The following IL4I1 variants were observed in gnomAD, a reference collection of about 807,000 sequenced individuals.
IL4I1 encodes the protein L-amino-acid oxidase.
A neutral mutation model predicts 29.7 loss-of-function variants in IL4I1; 24 were observed. The ratio of observed to expected loss-of-function variants is 0.81; its 90% confidence interval spans 0.59 to 1.14. The LOEUF is 1.14. IL4I1 is among the 50% of genes most tolerant of loss of function. The pLI is 0.00. For missense variants in IL4I1, 686 were observed against 785.6 expected (o/e 0.87, Z 1.52); for synonymous variants, 371 against 352.5 (o/e 1.05, Z -0.59).
intron 5 of IL4I1, among the ~76,000 whole-genome samples, chr19:49,892,287 G>C (rs948928304): frequency 8.6e-5 from 13 of 151,906 alleles, no homozygotes; most frequent in African/African-American, 3.1e-4. Context: ...TCATCATGTT[G>C]GTCAGGCTGG....
In IL4I1 at chr19:49,891,485, G is replaced by C; in HGVS notation, c.568-12C>G. 1 of 1,613,802 alleles carries C rather than the reference G, an allele frequency of 6.2e-7. No homozygotes were observed. ...AGGTCTTTGAGGGCCTGTTGTGGAAGAAGCAGACATGGTGCTGAGCTGCCC... is the reference window on the plus strand; with the variant it reads ...AGGTCTTTGAGGGCCTGTTGTGGAACAAGCAGACATGGTGCTGAGCTGCCC... On this transcript the variant is annotated splice_polypyrimidine_tract_variant and intron_variant, in intron 5 of 7. Coordinates refer to ENST00000391826, the MANE Select transcript of IL4I1 (RefSeq NM_152899.2).
intron 7 of IL4I1, 23 bp downstream of exon 7, chr19:49,890,948 T>A: frequency 9.5e-5 from 16 of 169,154 alleles, no homozygotes; most frequent in Non-Finnish European, 1.3e-4. Context: ...CCCCCCCCCC[T>A]GCCCGCCAGC....
At position 49,890,493 on chromosome 19, in the gene IL4I1, G is replaced by A. The variant is rs1171904223; in HGVS notation, c.881C>T (p.Pro294Leu). 3 of 1,611,350 alleles carry A rather than the reference G, an allele frequency of 1.9e-6. No homozygotes were observed. The highest frequency in any genetic ancestry group is 1.7e-5 in the Admixed American group (1 of 59,988). The change falls in exon 8 of 8, where the codon CCG becomes CTG. Residue 294 changes from proline (P) to leucine (L), a missense_variant. By Grantham distance (98) the Pro-to-Leu change is moderately conservative. Coordinates refer to ENST00000391826, the MANE Select transcript of IL4I1 (RefSeq NM_152899.2). ...CTCGATCTGCACGTGCACATCGTGC[G>A]GTCCCTGGGTCATCGCCACCACGGG... The part of the protein sequence containing the change: ...NAPVVAMTQG[P>L]HDVHVQIETS...
At chr19:49,919,040 C>A (rs2075699167) in intron 2 of IL4I1, among the ~76,000 whole-genome samples, 1 of 152,038 alleles carries the variant, frequency 6.6e-6, no homozygotes, top group Non-Finnish European at 1.5e-5. Context: ...GTAATCCCAG[C>A]TACTCGGGAG....
chr19:49,899,148 C>T (rs557753121), upstream of IL4I1, among the ~76,000 whole-genome samples: 61 of 152,360 alleles, frequency 4.0e-4, no homozygotes, highest in African/African-American at 1.1e-3. Context: ...CCCCAGGTCC[C>T]CGGCCCCTGC....
At chr19:49,892,348 C>T (rs1347620642) in intron 5 of IL4I1, among the ~76,000 whole-genome samples, 6 of 152,282 alleles carry the variant, frequency 3.9e-5, no homozygotes, top group African/African-American at 7.2e-5. Context: ...TCCCAAAGTG[C>T]TGGGATTACA....
chr19:49,908,192 C>T, intron 2 of IL4I1: 29 of 1,603,642 alleles, frequency 1.8e-5, no homozygotes, highest in Non-Finnish European at 2.3e-5. Context: ...GGGCGCATTC[C>T]CCTCATGAAC....
At chr19:49,912,166 C>CT (rs60350799) in intron 2 of IL4I1, among the ~76,000 whole-genome samples, 38,224 of 115,610 alleles carry the variant, frequency 0.33, 7,076 homozygotes, top group Middle Eastern at 0.39. Context: ...AACAGTTCAC[C>CT]TTTTTTTTTT....
At chr19:49,907,500 C>T (rs1027356302) in intron 2 of IL4I1, 11 of 440,640 alleles carry the variant, frequency 2.5e-5, no homozygotes, top group Non-Finnish European at 4.5e-5. Flanking sequence ...AGCACAAGCT[C>T]ACACTCGAAA....
intron 2 of IL4I1, among the ~76,000 whole-genome samples, chr19:49,914,575 C>T (rs1037895197): frequency 2.6e-5 from 4 of 152,064 alleles, no homozygotes; most frequent in Non-Finnish European, 5.9e-5. Flanking sequence ...GAGGAAGACC[C>T]GCTTGGGATT....
intron 2 of IL4I1, chr19:49,907,708 G>A: frequency 2.9e-6 from 1 of 344,396 alleles, no homozygotes; most frequent in Non-Finnish European, 5.6e-6. Context: ...ACTAATTTTT[G>A]TATTTTTAGT....
intron 2 of IL4I1, among the ~76,000 whole-genome samples, chr19:49,919,960 C>T (rs1479826002): frequency 1.3e-5 from 2 of 152,152 alleles, no homozygotes; most frequent in Non-Finnish European, 2.9e-5. Context: ...CAAGGTCTCA[C>T]TCTGTCTCCC....
At chr19:49,890,929 G>GACCCCCCC in intron 7 of IL4I1, 42 bp downstream of exon 7, 1 of 454,452 alleles carries the variant, frequency 2.2e-6, no homozygotes, top group South Asian at 3.4e-5. Context: ...TTCCCTGATT[G>GACCCCCCC]CCCCCCGCCC....
chr19:49,904,304 C>T (rs1018081509), exon 3 of IL4I1: 6 of 152,202 alleles, frequency 3.9e-5, no homozygotes, highest in Non-Finnish European at 5.9e-5. Flanking sequence ...GAAGGAAGCA[C>T]ATCTGTGTAT....
intron 5 of IL4I1, among the ~76,000 whole-genome samples, chr19:49,892,602 G>A (rs780562264): frequency 5.9e-5 from 9 of 152,206 alleles, no homozygotes; most frequent in South Asian, 2.1e-4. Flanking sequence ...ACATGAGTGC[G>A]TGTTCTTCAG....
intron 2 of IL4I1, among the ~76,000 whole-genome samples, chr19:49,925,219 C>A (rs1029572112): frequency 3.3e-5 from 5 of 152,032 alleles, no homozygotes; most frequent in African/African-American, 9.7e-5. Flanking sequence ...CGAGATGGCA[C>A]CATTGCACTC....
At chr19:49,899,618 G>C (rs553466879), upstream of IL4I1, among the ~76,000 whole-genome samples, 7 of 150,718 alleles carry the variant, frequency 4.6e-5, no homozygotes, top group African/African-American at 9.8e-5. Context: ...GTGTAGTGGC[G>C]CTATCTTGGC....
chr19:49,925,054 G>A (rs1171312094), intron 2 of IL4I1, among the ~76,000 whole-genome samples: 1 of 152,134 alleles, frequency 6.6e-6, no homozygotes, highest in Admixed American at 6.6e-5. Context: ...CTGAGTTCGG[G>A]AGTTCGAGAC....
At chr19:49,920,726 T>C (rs2122722006) in intron 2 of IL4I1, among the ~76,000 whole-genome samples, 1 of 152,296 alleles carries the variant, frequency 6.6e-6, no homozygotes, top group Non-Finnish European at 1.5e-5. Flanking sequence ...GGGAAGAGCC[T>C]AGAGCTGAAA....
Sources: gnomAD v4.1 joint callset for allele counts (sites outside exome capture counted in the v4.1 genomes callset) on GRCh38, gnomAD v4.1.1 for gene constraint, MANE v1.5 for transcripts, NCBI Gene and HGNC (gene_info 2026-07-23, HGNC 2026-07-21) for gene names.